AKAP12: variants seen among roughly 807,000 people sequenced by gnomAD.
AKAP12 encodes the protein A-kinase anchoring protein 12.
Under a neutral mutation model 79.9 loss-of-function variants are expected in AKAP12, and 32 were observed. The ratio of observed to expected loss-of-function variants is 0.40; its 90% CI spans 0.30 to 0.54. AKAP12 has a LOEUF of 0.54. Ranked by LOEUF, AKAP12 falls within the 20% of genes least tolerant of loss-of-function variation. AKAP12 has a pLI of 0.48. For synonymous variants in AKAP12, 808 were observed against 857.0 expected (o/e 0.94, Z 1.00); for missense variants, 2,074 against 2,177.0 (o/e 0.95, Z 0.94).
At chr6:151,304,531 C>A (rs1776935265) in intron 2 of AKAP12, among the ~76,000 whole-genome samples, 1 of 119,190 alleles carries the variant, frequency 8.4e-6, no homozygotes, top group Admixed American at 8.9e-5. Context: ...GATTATATGA[C>A]CAAGGGCATG....
intron 2 of AKAP12, among the ~76,000 whole-genome samples, chr6:151,272,704 T>C (rs1272428888): frequency 6.6e-6 from 1 of 152,018 alleles, no homozygotes; most frequent in Non-Finnish European, 1.5e-5. Context: ...CCCTGTTCAT[T>C]TTTGTATTTT....
At chr6:151,306,065 C>T (rs1776971864) in intron 3 of AKAP12, among the ~76,000 whole-genome samples, 162 bp downstream of exon 3, 1 of 152,158 alleles carries the variant, frequency 6.6e-6, no homozygotes, top group Non-Finnish European at 1.5e-5. Flanking sequence ...TTTGGATACC[C>T]CCTATACTTA....
chr6:151,264,203 G>A (rs1797499314), intron 2 of AKAP12, among the ~76,000 whole-genome samples: 1 of 152,046 alleles, frequency 6.6e-6, no homozygotes, highest in African/African-American at 2.4e-5. Context: ...AGCAGGGTGC[G>A]GCCTTGGGAA....
At chr6:151,321,166 T>TA (rs1777374513) in intron 3 of AKAP12, among the ~76,000 whole-genome samples, 1 of 152,146 alleles carries the variant, frequency 6.6e-6, no homozygotes, top group African/African-American at 2.4e-5. Context: ...TTTGTATTTT[T>TA]AATAGAGATG....
At chr6:151,321,198 G>C (rs1777375957) in intron 3 of AKAP12, among the ~76,000 whole-genome samples, 1 of 152,078 alleles carries the variant, frequency 6.6e-6, no homozygotes, top group Admixed American at 6.6e-5. Context: ...TGTTGACCAG[G>C]CTGGTCTTGA....
intron 3 of AKAP12, among the ~76,000 whole-genome samples, chr6:151,310,708 G>C (rs773613452): frequency 6.6e-6 from 1 of 152,044 alleles, no homozygotes; most frequent in Non-Finnish European, 1.5e-5. Context: ...TATTTATTTT[G>C]ATAATAGCAT....
In AKAP12 at chr6:151,344,077, G is replaced by A. The variant is rs185510527; in HGVS notation, c.320-4634G>A. 455 of 278,746 alleles carry A rather than the reference G, an allele frequency of 1.6e-3. 4 individuals are homozygous for A. The highest frequency in any genetic ancestry group is 0.01 in the African/African-American group (442 of 43,910). The allele number at this position is 278,746 out of a possible 1,614,324, so 17.3% of individuals were successfully genotyped here. ...TTCCTTATTGTTTGTTAAGTCTAAT[G>A]TTGGTCACAAATGTGTATTTTATAA... On this transcript the variant is annotated intron_variant, in intron 3 of 4. Coordinates refer to ENST00000402676, the MANE Select transcript of AKAP12 (RefSeq NM_005100.4).
chr6:151,314,665 T>C (rs969649882), intron 3 of AKAP12, among the ~76,000 whole-genome samples: 4 of 152,190 alleles, frequency 2.6e-5, no homozygotes, highest in African/African-American at 7.2e-5. Context: ...CGGAGGCCAC[T>C]CAAGTCCACT....
intron 3 of AKAP12, among the ~76,000 whole-genome samples, chr6:151,321,903 GTTTTTT>G (rs11415941): frequency 1.5e-5 from 1 of 67,328 alleles, no homozygotes; most frequent in East Asian, 4.4e-4. Flanking sequence ...TCAGCTTTAT[GTTTTTT>G]TTTTTTTTTT....
chr6:151,283,488 G>A (rs1424571652), intron 2 of AKAP12, among the ~76,000 whole-genome samples: 1 of 152,182 alleles, frequency 6.6e-6, no homozygotes, highest in African/African-American at 2.4e-5. Flanking sequence ...GGTAACAAAA[G>A]CAGTGATTTG....
chr6:151,351,427 C>T lies in AKAP12; in HGVS notation c.3036C>T (p.Ser1012=), dbSNP rs1452051178. The T allele has an allele frequency of 1.2e-6, 2 of 1,614,076 alleles. No individual in the cohort carries two copies. Among genetic ancestry groups the T allele is most frequent in the Non-Finnish European group, 1.7e-6 (2 of 1,180,052 alleles). Residue 1012 remains serine (S), a synonymous_variant, in exon 4 of 5, where the codon TCC becomes TCT. Coordinates refer to ENST00000402676, the MANE Select transcript of AKAP12 (RefSeq NM_005100.4). This position sits in a 1 kb window ranked among gnomAD's most constrained non-coding sequence, Gnocchi z 4.4. Reference sequence around the variant, plus strand: ...CAGCAGTCTCCCAGTTAACCGACTCCCCAGACACCACAGAGGAGGCCACTC... The same window carrying T: ...CAGCAGTCTCCCAGTTAACCGACTCTCCAGACACCACAGAGGAGGCCACTC... ...MVSAVSQLTD[S]PDTTEEATPV... is the part of the protein sequence containing the mutation.
rs9397391 is a variant in AKAP12, at chr6:151,319,443, G to A, written c.319+13540G>A. Reference sequence around the variant, plus strand: ...CCCTGAATCTAAAAGACAGGTGTCTGTCTATCTATCTATCTATCTATCTAT... The same window carrying A: ...CCCTGAATCTAAAAGACAGGTGTCTATCTATCTATCTATCTATCTATCTAT... On this transcript the variant is annotated intron_variant, in intron 3 of 4. Transcript: ENST00000402676. Among the ~76,000 whole-genome samples, 47 of 140,314 alleles carry A rather than the reference G, an allele frequency of 3.3e-4. 1 individual carries two copies. Among genetic ancestry groups the A allele is most frequent in the Non-Finnish European group, 1.1e-4 (7 of 65,610 alleles). The allele number at this position is 140,314 out of a possible 152,430, so 92.1% of individuals were successfully genotyped here.
intron 2 of AKAP12, among the ~76,000 whole-genome samples, chr6:151,256,306 G>A (rs1429721933): frequency 6.6e-6 from 1 of 152,166 alleles, no homozygotes; most frequent in Non-Finnish European, 1.5e-5. Context: ...AATGGAATGT[G>A]CATCTTTACC....
intron 2 of AKAP12, among the ~76,000 whole-genome samples, chr6:151,300,304 C>T (rs1176405855): frequency 7.2e-5 from 11 of 152,156 alleles, no homozygotes; most frequent in African/African-American, 2.7e-4. Context: ...AGGTTTGCTT[C>T]TTGGTCATAC....
intron 3 of AKAP12, among the ~76,000 whole-genome samples, chr6:151,315,081 T>C (rs1045083545): frequency 4.6e-5 from 7 of 151,454 alleles, no homozygotes; most frequent in African/African-American, 1.7e-4. Context: ...ATTTAGGCCC[T>C]TTTCCTTGAA....
chr6:151,273,004 T>A (rs1562716226), intron 2 of AKAP12, among the ~76,000 whole-genome samples: 1 of 151,900 alleles, frequency 6.6e-6, no homozygotes, highest in Admixed American at 6.6e-5. Context: ...GCTTCCCGGG[T>A]TCACACCATT....
Position 151,281,113 on chromosome 6 carries a change from T to C in AKAP12, c.163-24634T>C, listed in dbSNP as rs1279734290. Among the ~76,000 whole-genome samples the C allele has an allele frequency of 1.3e-5, 2 of 152,210 alleles. 1 individual carries two copies. Among genetic ancestry groups the C allele is most frequent in the South Asian group, 4.1e-4 (2 of 4,828 alleles). ...CCTTAGGGTAAACATCTAGGCTTCA[T>C]GCAAAGTAGAAGGGGCATGTGCGTG... On this transcript the variant is annotated intron_variant, in intron 2 of 4. Transcript: ENST00000402676.
chr6:151,343,313 T>A (rs952742592), intron 3 of AKAP12, among the ~76,000 whole-genome samples: 9 of 152,220 alleles, frequency 5.9e-5, no homozygotes, highest in African/African-American at 2.2e-4. Context: ...TTTAATCACA[T>A]GCTTGCTGGC....
chr6:151,291,020 C>G (rs1023692693), intron 2 of AKAP12, among the ~76,000 whole-genome samples: 1 of 152,328 alleles, frequency 6.6e-6, no homozygotes, highest in Admixed American at 6.5e-5. Context: ...GAAACTCCCC[C>G]TCTCTGCACA....
Sources: gnomAD v4.1 joint callset for allele counts (sites outside exome capture counted in the v4.1 genomes callset) on GRCh38, gnomAD v4.1.1 for gene constraint, Gnocchi (gnomAD v3.1) non-coding constraint, MANE v1.5 for transcripts, NCBI Gene and HGNC (gene_info 2026-07-23, HGNC 2026-07-21) for gene names.